The following PRELID2 variants were observed in gnomAD, a reference collection of about 807,000 sequenced individuals.
The protein encoded by PRELID2 is PRELI domain-containing protein 2.
In PRELID2, 25 loss-of-function variants were observed where a neutral mutation model predicts 28.4. The ratio of observed to expected loss-of-function variants is 0.88; its 90% CI spans 0.64 to 1.23. PRELID2 has a LOEUF of 1.23. PRELID2 is among the 50% of genes most tolerant of loss of function. The pLI, the probability that PRELID2 is intolerant of heterozygous loss-of-function variation, is 0.00. For missense variants in PRELID2, 201 were observed against 214.4 expected, an observed-to-expected ratio of 0.94 and a Z score of 0.39; for synonymous variants, 76 against 71.6, an observed-to-expected ratio of 1.06 and a Z score of -0.31.
chr5:145,813,782 A>C (rs530845988), intron 4 of PRELID2, among the ~76,000 whole-genome samples: 1 of 151,420 alleles, frequency 6.6e-6, no homozygotes, highest in Non-Finnish European at 1.5e-5. Flanking sequence ...AAACCAAAGG[A>C]AGAAAAAAAA....
intron 1 of PRELID2, among the ~76,000 whole-genome samples, chr5:145,557,165 T>G (rs1188527006): frequency 6.6e-6 from 1 of 152,220 alleles, no homozygotes; most frequent in Non-Finnish European, 1.5e-5. Flanking sequence ...AAATAAATTT[T>G]GAATGACTAG....
At chr5:145,675,074 T>C (rs1754787673) in intron 1 of PRELID2, among the ~76,000 whole-genome samples, 2 of 152,092 alleles carry the variant, frequency 1.3e-5, no homozygotes, top group African/African-American at 4.8e-5. Flanking sequence ...AAACTTGACA[T>C]ACAAATTAAA....
chr5:145,674,330 G>A (rs942545013), intron 1 of PRELID2, among the ~76,000 whole-genome samples: 3 of 148,774 alleles, frequency 2.0e-5, no homozygotes, highest in African/African-American at 5.0e-5. Context: ...CCCATGACAG[G>A]CCCGGGTGTG....
intron 1 of PRELID2, 68 bp downstream of exon 1, chr5:145,835,109 G>A (rs1755849687): frequency 5.4e-6 from 6 of 1,102,786 alleles, no homozygotes; most frequent in Non-Finnish European, 8.0e-6. Context: ...CCGCGTGGAT[G>A]AAGGAGAGGA....
intron 5 of PRELID2, among the ~76,000 whole-genome samples, chr5:145,787,148 A>G (rs947154241): frequency 6.6e-6 from 1 of 152,238 alleles, no homozygotes; most frequent in African/African-American, 2.4e-5. Context: ...ACAAAAAACA[A>G]AACAAAACAA....
intron 1 of PRELID2, among the ~76,000 whole-genome samples, chr5:145,665,619 G>A (rs1026681360): frequency 1.3e-5 from 2 of 152,182 alleles, no homozygotes; most frequent in East Asian, 1.9e-4. Flanking sequence ...CTAGCATGAT[G>A]TACAATGTAT....
At chr5:145,403,358 T>G in the PRELID2 span, among the ~76,000 whole-genome samples, 1 of 152,064 alleles carries the variant, frequency 6.6e-6, no homozygotes, top group Non-Finnish European at 1.5e-5. Context: ...GGCAACATAG[T>G]GAGACCCCAT....
At chr5:145,677,796 C>A (rs1238084242) in intron 1 of PRELID2, among the ~76,000 whole-genome samples, 1 of 152,144 alleles carries the variant, frequency 6.6e-6, no homozygotes, top group Non-Finnish European at 1.5e-5. Flanking sequence ...TTGGGGTCAG[C>A]AACTGTCTGT....
intron 1 of PRELID2, among the ~76,000 whole-genome samples, chr5:145,702,886 A>C (rs1755442619): frequency 1.3e-5 from 2 of 152,236 alleles, no homozygotes; most frequent in African/African-American, 4.8e-5. Context: ...TCACTAGAAA[A>C]AAATGTTAAA....
chr5:145,794,613 A>AAT (rs1043325597), intron 5 of PRELID2, among the ~76,000 whole-genome samples: 12 of 152,242 alleles, frequency 7.9e-5, no homozygotes, highest in African/African-American at 2.6e-4. Flanking sequence ...GCAGGTACTC[A>AAT]ATATATATCT....
At chr5:145,650,180 G>C in intron 1 of PRELID2, among the ~76,000 whole-genome samples, 1 of 148,954 alleles carries the variant, frequency 6.7e-6, no homozygotes, top group African/African-American at 2.6e-5. Context: ...CTCTTCCCTA[G>C]CGTTGCCCTG....
the PRELID2 span, among the ~76,000 whole-genome samples, chr5:145,251,247 A>G: frequency 2.0e-5 from 3 of 152,248 alleles, no homozygotes; most frequent in Middle Eastern, 3.4e-3. Context: ...CTAGGATCAT[A>G]TGGATAATAC....
intron 1 of PRELID2, among the ~76,000 whole-genome samples, chr5:145,585,347 C>T (rs1753143819): frequency 6.6e-6 from 1 of 151,996 alleles, no homozygotes; most frequent in South Asian, 2.1e-4. Context: ...GGGCTTAATA[C>T]CTAGGTGATG....
At chr5:145,674,477 T>A (rs952409044) in intron 1 of PRELID2, among the ~76,000 whole-genome samples, 36 of 152,306 alleles carry the variant, frequency 2.4e-4, no homozygotes, top group Admixed American at 2.4e-3. Context: ...AACTGAAAAG[T>A]GTAAAATTAA....
At chr5:145,767,922 C>A (rs911934562) in intron 5 of PRELID2, among the ~76,000 whole-genome samples, 2 of 152,094 alleles carry the variant, frequency 1.3e-5, no homozygotes, top group South Asian at 4.1e-4. Context: ...TAAGAGGTAC[C>A]TTCCATTTAA....
At chr5:145,814,708 TAAC>T (rs1045381956) in intron 4 of PRELID2, among the ~76,000 whole-genome samples, 1 of 150,952 alleles carries the variant, frequency 6.6e-6, no homozygotes, top group Non-Finnish European at 1.5e-5. Context: ...CACAGAATAA[TAAC>T]AAAAAAAAAC....
chr5:145,654,248 C>A (rs907968064), intron 1 of PRELID2, among the ~76,000 whole-genome samples: 1 of 152,094 alleles, frequency 6.6e-6, no homozygotes, highest in Non-Finnish European at 1.5e-5. Context: ...GAAATTGAGG[C>A]AATAATTGAT....
chr5:145,442,103 C>G, the PRELID2 span, among the ~76,000 whole-genome samples: 4 of 152,054 alleles, frequency 2.6e-5, no homozygotes, highest in Admixed American at 2.6e-4. Context: ...TTAGCACCTA[C>G]TATATCCCAA....
chr5:145,734,327 CT>C (rs1301457337), intron 1 of PRELID2, among the ~76,000 whole-genome samples: 2 of 152,122 alleles, frequency 1.3e-5, no homozygotes, highest in African/African-American at 4.8e-5. Flanking sequence ...GACTCCAGTA[CT>C]TTGGTAAGGT....
Sources: allele counts gnomAD v4.1 joint callset (sites outside exome capture counted in the v4.1 genomes callset), GRCh38; gene constraint gnomAD v4.1.1; transcripts MANE v1.5; gene names NCBI Gene and HGNC (gene_info 2026-07-23, HGNC 2026-07-21).